CACNA1G: variants seen among roughly 807,000 people sequenced by gnomAD.
The protein encoded by CACNA1G is voltage-dependent T-type calcium channel subunit alpha-1G.
A neutral mutation model predicts 219.4 loss-of-function variants in CACNA1G; 67 were observed. The observed-to-expected ratio is 0.31, with a 90% CI of 0.25 to 0.37. The LOEUF is 0.37. Ranked by LOEUF, CACNA1G falls within the 10% of genes least tolerant of loss-of-function variation. The probability of loss-of-function intolerance (pLI) is 1.00; values close to 1 mark genes in which losing one functional copy is unlikely to be tolerated. For synonymous variants in CACNA1G, 1,296 were observed against 1,345.3 expected, an observed-to-expected ratio of 0.96 and a Z score of 0.80; for missense variants, 2,380 against 3,231.4, an observed-to-expected ratio of 0.74 and a Z score of 6.39.
Position 50,600,859 on chromosome 17 carries a change from C to T in CACNA1G, c.3791+33C>T, listed in dbSNP as rs1251362225. Reference sequence around the variant, plus strand: ...ACAGGGCAGGGGTCTGACCTGTGTCCCGACCTCTTCTTCTCACGGGAAATT... The same window carrying T: ...ACAGGGCAGGGGTCTGACCTGTGTCTCGACCTCTTCTTCTCACGGGAAATT... On this transcript the variant is annotated intron_variant, in intron 18 of 37. Transcript: ENST00000359106. This position sits in a 1 kb window ranked among gnomAD's most constrained non-coding sequence, Gnocchi z 4.1. The T allele has an allele frequency of 6.3e-7, 1 of 1,592,344 alleles. No individual in the cohort carries two copies. Among genetic ancestry groups the T allele is most frequent in the African/African-American group, 1.3e-5 (1 of 74,488 alleles).
chr17:50,620,425 G>A (rs1242069537), intron 34 of CACNA1G, among the ~76,000 whole-genome samples: 4 of 152,182 alleles, frequency 2.6e-5, no homozygotes, highest in Non-Finnish European at 5.9e-5. Context: ...ATAGGACTTG[G>A]CTTCCTGCCC....
intron 26 of CACNA1G, among the ~76,000 whole-genome samples, chr17:50,612,484 C>T (rs1032321573): frequency 1.3e-5 from 2 of 152,234 alleles, no homozygotes; most frequent in Non-Finnish European, 2.9e-5. Context: ...CCACCTGTGG[C>T]GTCGACCTTC....
chr17:50,615,369 T>A lies in CACNA1G; in HGVS notation c.4768T>A (p.Cys1590Ser). 6.2e-7 allele frequency: 1 copy of A among 1,603,424 alleles called. No individual in the cohort carries two copies. Among genetic ancestry groups the A allele is most frequent in the South Asian group, 1.1e-5 (1 of 90,132 alleles). The change falls in exon 27 of 38, where the codon TGC becomes AGC. Residue 1590 changes from cysteine to serine, a missense_variant. Cys to Ser is a moderately radical substitution (Grantham distance 112). This residue lies in a region of CACNA1G where 58 missense variants were observed against 71.3 expected (regional missense o/e 0.81). Coordinates refer to ENST00000359106, the MANE Select transcript of CACNA1G (RefSeq NM_018896.5). ...TCCCCCTGCCCCATCAGAAGCCCAG[T>A]GCAAACCTTACTACTCCGACTACTC... ...SSASAASEAQ[C>S]KPYYSDYSRF...
At chr17:50,606,052 T>C (rs372346508) in intron 23 of CACNA1G, 29 bp downstream of exon 23, 27 of 1,613,676 alleles carry the variant, frequency 1.7e-5, no homozygotes, top group Non-Finnish European at 2.2e-5. Flanking sequence ...GGTGGGGCTG[T>C]GGTGAAGGAG....
rs780275374 is a variant in CACNA1G at position 50,626,088 on chromosome 17, T to G, written c.6471T>G (p.Ser2157Arg). Reference protein sequence around the residue: ...GSREDLLAEVSGPSPPLARAY... With the variant: ...GSREDLLAEVRGPSPPLARAY... ...GGGAAGACCTGCTGGCAGAGGTGAGTGGGCCCTCCCCGCCCCTGGCCCGGG... is the reference window on the plus strand; with the variant it reads ...GGGAAGACCTGCTGGCAGAGGTGAGGGGGCCCTCCCCGCCCCTGGCCCGGG... The change falls in exon 38 of 38, where the codon AGT (serine) becomes AGG (arginine). Residue 2157 changes from serine to arginine, a missense_variant. Around this residue, in one of 17 missense-constraint regions of CACNA1G, gnomAD observed 672 missense variants for 670.5 expected, o/e 1.00. Transcript: ENST00000359106. The surrounding 1 kb of genome is among the most constrained non-coding windows in gnomAD (Gnocchi z 4.3). 1.2e-6 allele frequency: 2 copies of G among 1,612,816 alleles called. No individual in the cohort carries two copies. Among genetic ancestry groups the G allele is most frequent in the Non-Finnish European group, 1.7e-6 (2 of 1,179,642 alleles).
chr17:50,578,416 C>T lies in CACNA1G; in HGVS notation c.2153C>T (p.Pro718Leu), dbSNP rs767812028. The T allele has an allele frequency of 6.2e-7, 1 of 1,613,348 alleles. No homozygotes were observed. Among genetic ancestry groups the T allele is most frequent in the Non-Finnish European group, 8.5e-7 (1 of 1,179,784 alleles). ...AGCCGGCGGCAACGGAGCCTGGGCC[C>T]AGATGCAGAGCCCAGCTCTGTGCTG... ...PHSRRQRSLGPDAEPSSVLAF... is the reference protein window; with the variant it reads ...PHSRRQRSLGLDAEPSSVLAF... The change falls in exon 9 of 38, where the codon CCA (proline) becomes CTA (leucine). Residue 718 changes from proline to leucine, a missense_variant. Pro to Leu is a moderately conservative substitution (Grantham distance 98). Transcript: ENST00000359106. The surrounding 1 kb of genome is among the most constrained non-coding windows in gnomAD (Gnocchi z 4.5).
intron 9 of CACNA1G, among the ~76,000 whole-genome samples, chr17:50,581,403 CG>C (rs1384443543): frequency 6.6e-6 from 1 of 151,874 alleles, no homozygotes; most frequent in African/African-American, 2.4e-5. Flanking sequence ...GATGGGGGGG[CG>C]GGCACTGGAA....
In CACNA1G at chr17:50,576,128, C is replaced by T. The variant is rs1247773485; in HGVS notation, c.1726C>T (p.Pro576Ser). 3 of 1,604,632 alleles carry T rather than the reference C, an allele frequency of 1.9e-6. No homozygotes were observed. Among genetic ancestry groups the T allele is most frequent in the Non-Finnish European group, 2.6e-6 (3 of 1,176,456 alleles). ...CTGCCAGGCGCCCCCTCCCAGGTCC[C>T]CATCTGAGGCATCCGGCAGGACTGT... ...VRCQAPPPRS[P>S]SEASGRTVGS... is the part of the protein sequence containing the mutation. Residue 576 changes from proline (P) to serine (S), a missense_variant, in exon 8 of 38, where the codon CCA (proline) becomes TCA (serine). Around this residue, in one of 17 missense-constraint regions of CACNA1G, gnomAD observed 434 missense variants for 417.3 expected, o/e 1.04. Coordinates refer to ENST00000359106, the MANE Select transcript of CACNA1G (RefSeq NM_018896.5).
chr17:50,601,056 G>A lies in CACNA1G; in HGVS notation c.3797G>A (p.Arg1266His), dbSNP rs1238000961. The part of the protein sequence containing the change: ...AYIFPPQSRF[R>H]LLCHRIITHK... ...TTGCCTCCATGCCTGGGCAGGTTCC[G>A]CCTCCTGTGTCACCGGATCATCACC... The change falls in exon 19 of 38, where the codon CGC becomes CAC. Residue 1266 changes from arginine (R) to histidine (H), a missense_variant. By Grantham distance (29) the Arg-to-His change is conservative. This residue lies in a region of CACNA1G where 418 missense variants were observed against 434.3 expected (regional missense o/e 0.96). Transcript: ENST00000359106. 2.5e-6 allele frequency: 4 copies of A among 1,613,506 alleles called. No homozygotes were observed. The highest frequency in any genetic ancestry group is 1.3e-5 in the African/African-American group (1 of 74,922).
intron 1 of CACNA1G, among the ~76,000 whole-genome samples, chr17:50,565,126 C>T (rs576783821): frequency 1.6e-3 from 213 of 129,744 alleles, no homozygotes; most frequent in African/African-American, 6.8e-3. Flanking sequence ...CATGCGCACG[C>T]GCGCGCACAC....
chr17:50,592,572 A>G (rs1346062305), intron 13 of CACNA1G, among the ~76,000 whole-genome samples: 3 of 152,226 alleles, frequency 2.0e-5, no homozygotes, highest in Non-Finnish European at 2.9e-5. Flanking sequence ...AATGAGCCCA[A>G]TTAGCTACGG....
rs1252987111 is a variant in CACNA1G, at chr17:50,621,478, G to A, written c.5926-182G>A. Among the ~76,000 whole-genome samples the A allele has an allele frequency of 1.3e-5, 2 of 152,156 alleles. No homozygotes were observed. The highest frequency in any genetic ancestry group is 2.9e-5 in the Non-Finnish European group (2 of 68,020). On this transcript the variant is annotated intron_variant, in intron 34 of 37. Transcript: ENST00000359106. This position sits in a 1 kb window ranked among gnomAD's most constrained non-coding sequence, Gnocchi z 4.6. ...CAGAGCAGGGGGTTGAAGTGGGTGCGGGGAGGCACTGTCAGCTTGTTTGGG... is the reference window on the plus strand; with the variant it reads ...CAGAGCAGGGGGTTGAAGTGGGTGCAGGGAGGCACTGTCAGCTTGTTTGGG...
chr17:50,568,704 G>A (rs576099918), intron 1 of CACNA1G, among the ~76,000 whole-genome samples, 166 bp from the exon 2 acceptor site: 5 of 152,344 alleles, frequency 3.3e-5, no homozygotes, highest in Non-Finnish European at 7.4e-5. Context: ...TCTCTGATGA[G>A]GAGTCTGGGG....
At position 50,619,798 on chromosome 17, in the gene CACNA1G, C is replaced by T. The variant is rs763129139; in HGVS notation, c.5897C>T (p.Ala1966Val). The T allele has an allele frequency of 1.9e-6, 3 of 1,606,144 alleles. No individual in the cohort carries two copies. Among genetic ancestry groups the T allele is most frequent in the Admixed American group, 1.7e-5 (1 of 59,570 alleles). Residue 1966 changes from alanine (A) to valine (V), a missense_variant, in exon 34 of 38, where the codon GCC becomes GTC. Ala to Val is a moderately conservative substitution (Grantham distance 64). Transcript: ENST00000359106. ...PGGQPSAFPS[A>V]PSLGGSDPQI... Reference sequence around the variant, plus strand: ...GGCCAGCCCTCTGCCTTCCCTTCTGCCCCCAGCCTGGGAGGCTCCGACCCA... The same window carrying T: ...GGCCAGCCCTCTGCCTTCCCTTCTGTCCCCAGCCTGGGAGGCTCCGACCCA...
chr17:50,593,586 T>G (rs932328384), intron 13 of CACNA1G, among the ~76,000 whole-genome samples: 1 of 152,232 alleles, frequency 6.6e-6, no homozygotes, highest in Non-Finnish European at 1.5e-5. Flanking sequence ...GAGCGCAGCC[T>G]GGCCCTGGGG....
rs536352805 is a variant in CACNA1G, at chr17:50,587,831, G to A, written c.2302-2640G>A. On this transcript the variant is annotated intron_variant, in intron 9 of 37. Coordinates refer to ENST00000359106, the MANE Select transcript of CACNA1G (RefSeq NM_018896.5). ...GGACGGCAGGCTTCTCAGGAGCCTG[G>A]CATCATCCTTCTCCATAAGCCTCTC... 4.6e-5 allele frequency among the ~76,000 whole-genome samples: 7 copies of A among 152,206 alleles called. No homozygotes were observed. The East Asian group carries it at 1.4e-3, about 29-fold the overall frequency.
chr17:50,581,992 G>A (rs1387928632), intron 9 of CACNA1G, among the ~76,000 whole-genome samples: 1 of 151,618 alleles, frequency 6.6e-6, no homozygotes, highest in Non-Finnish European at 1.5e-5. Flanking sequence ...CTGGTTTTAA[G>A]CTACCAACAC....
chr17:50,609,967 TG>T, intron 26 of CACNA1G, 32 bp downstream of exon 26: 1 of 1,594,564 alleles, frequency 6.3e-7, no homozygotes. Flanking sequence ...CTCATGCGTG[TG>T]GGGACATGCT....
chr17:50,572,119 C>T, intron 5 of CACNA1G, 82 bp downstream of exon 5: 1 of 1,426,158 alleles, frequency 7.0e-7, no homozygotes, highest in Non-Finnish European at 9.6e-7. Context: ...CTTCCGGTTG[C>T]TACTGACATA....
Sources: allele counts gnomAD v4.1 joint callset (sites outside exome capture counted in the v4.1 genomes callset), GRCh38; gene constraint gnomAD v4.1.1; regional missense constraint gnomAD v4.1.1; non-coding constraint Gnocchi (gnomAD v3.1); transcripts MANE v1.5; gene names NCBI Gene and HGNC (gene_info 2026-07-23, HGNC 2026-07-21).